Variants in FMN1 observed in about 807,000 individuals in gnomAD.
The protein encoded by FMN1 is formin-1.
FMN1 carries 110 observed loss-of-function variants against 132.4 expected under a neutral mutation model. The observed-to-expected ratio is 0.83, with a 90% CI of 0.71 to 0.97. The LOEUF (loss-of-function observed/expected upper bound fraction) is 0.97. Among genes scored for constraint, FMN1 ranks in the 50% least tolerant of loss-of-function variants. The pLI is 0.00. For synonymous variants in FMN1, 722 were observed against 651.7 expected, an observed-to-expected ratio of 1.11 and a Z score of -1.64; for missense variants, 1,792 against 1,705.3, an observed-to-expected ratio of 1.05 and a Z score of -0.90.
At chr15:33,053,912 T>C (rs12899651) in intron 6 of FMN1, among the ~76,000 whole-genome samples, 3,745 of 152,288 alleles carry the variant, frequency 0.025, 65 homozygotes, top group African/African-American at 0.029. Context: ...TTTTCTTTTC[T>C]TTCTTTCGGA....
chr15:33,110,261 T>C (rs1441361075), intron 4 of FMN1, among the ~76,000 whole-genome samples: 4 of 152,080 alleles, frequency 2.6e-5, no homozygotes, highest in Non-Finnish European at 4.4e-5. Flanking sequence ...AATACATAGA[T>C]GGTCTATTCT....
chr15:33,013,509 G>C (rs2034857040), intron 6 of FMN1, among the ~76,000 whole-genome samples: 1 of 152,114 alleles, frequency 6.6e-6, no homozygotes, highest in Non-Finnish European at 1.5e-5. Flanking sequence ...ATTGAGCAAG[G>C]AGATGTTATA....
chr15:33,140,193 AACACACACACACACACAC>A (rs61485667), intron 4 of FMN1, among the ~76,000 whole-genome samples: 15 of 142,966 alleles, frequency 1.0e-4, no homozygotes, highest in Admixed American at 7.7e-4. Context: ...CCTATGGTTA[AACACACACACACACACAC>A]ACACACACAC....
intron 4 of FMN1, among the ~76,000 whole-genome samples, chr15:33,152,209 T>C (rs1964465741): frequency 6.6e-6 from 1 of 152,226 alleles, no homozygotes; most frequent in Non-Finnish European, 1.5e-5. Context: ...ATGTAATGAA[T>C]ACCAGAGCAG....
At position 32,980,052 on chromosome 15, in the gene FMN1, GCAAA is replaced by G. The variant is rs548243073; in HGVS notation, c.2224-10579_2224-10576del. On this transcript the variant is annotated intron_variant, in intron 7 of 20. Transcript: ENST00000616417. ...TTTACGTTATAGGCAAATCGACAGG[GCAAA>G]CAAACAAAGAGGGTTTGCTTGTCTT... Among the ~76,000 whole-genome samples the G allele has an allele frequency of 6.4e-3, 968 of 151,598 alleles. 8 individuals are homozygous for G. The highest frequency in any genetic ancestry group is 0.022 in the African/African-American group (911 of 41,044).
At chr15:33,000,920 T>C (rs114517765) in intron 7 of FMN1, among the ~76,000 whole-genome samples, 1,677 of 152,316 alleles carry the variant, frequency 0.011, 26 homozygotes, top group African/African-American at 0.039. Flanking sequence ...AAAGCTAGTT[T>C]AGACCACCCT....
At chr15:32,783,744 CAAAAAAAAAAAAAAAAAAAAAAAAAAAA>C (rs533699379) in intron 19 of FMN1, among the ~76,000 whole-genome samples, 1 of 64,202 alleles carries the variant, frequency 1.6e-5, no homozygotes, top group Non-Finnish European at 3.0e-5. Context: ...GACTCTGTTT[CAAAAAAAAAAAAAAAAAAAAAAAAAAAA>C]AAAAAAAAAA....
chr15:32,963,797 T>C (rs1218929162), intron 9 of FMN1, among the ~76,000 whole-genome samples: 1 of 152,140 alleles, frequency 6.6e-6, no homozygotes, highest in Non-Finnish European at 1.5e-5. Context: ...TCAGAAGATA[T>C]GGCCAAAATA....
intron 9 of FMN1, among the ~76,000 whole-genome samples, chr15:32,930,800 T>A (rs2061096217): frequency 6.6e-6 from 1 of 152,160 alleles, no homozygotes; most frequent in South Asian, 2.1e-4. Flanking sequence ...TTTCCCTATT[T>A]TTTAAAAAAG....
At chr15:33,114,758 C>T (rs1429631437) in intron 4 of FMN1, among the ~76,000 whole-genome samples, 1 of 152,182 alleles carries the variant, frequency 6.6e-6, no homozygotes, top group African/African-American at 2.4e-5. Flanking sequence ...GACCCAAATG[C>T]CCCAAAACAA....
At chr15:32,916,349 C>T (rs2140300508) in intron 10 of FMN1, among the ~76,000 whole-genome samples, 1 of 152,284 alleles carries the variant, frequency 6.6e-6, no homozygotes, top group African/African-American at 2.4e-5. Context: ...CCCATATAAA[C>T]AAAGAATGCA....
intron 16 of FMN1, among the ~76,000 whole-genome samples, chr15:32,875,943 T>C (rs1324016338): frequency 6.6e-6 from 1 of 152,170 alleles, no homozygotes; most frequent in African/African-American, 2.4e-5. Context: ...GCCATGCTGC[T>C]TCCTATCTCG....
chr15:33,048,349 T>C (rs1206538059), intron 6 of FMN1, among the ~76,000 whole-genome samples: 1 of 151,976 alleles, frequency 6.6e-6, no homozygotes, highest in Non-Finnish European at 1.5e-5. Context: ...AAGAATCTTG[T>C]ATGGTAAAAT....
chr15:32,901,525 T>C (rs768436433), intron 13 of FMN1, among the ~76,000 whole-genome samples: 3 of 152,190 alleles, frequency 2.0e-5, no homozygotes, highest in South Asian at 2.1e-4. Flanking sequence ...TCTTATTAGG[T>C]TGACACATTT....
At position 32,769,194 on chromosome 15, in the gene FMN1, C is replaced by T. The variant is rs1328973029; in HGVS notation, c.*5116G>A. The T allele has an allele frequency of 2.6e-5, 4 of 152,206 alleles. No homozygotes were observed. Among genetic ancestry groups the T allele is most frequent in the Non-Finnish European group, 2.9e-5 (2 of 68,036 alleles). The allele number at this position is 152,206 out of a possible 1,614,324, so 9.4% of individuals were successfully genotyped here. Reference sequence around the variant, plus strand: ...TATCTTCATGTTTCCAAGTTGTTAACTACACGTTTCCCAAATCCTAACTTT... The same window carrying T: ...TATCTTCATGTTTCCAAGTTGTTAATTACACGTTTCCCAAATCCTAACTTT... On this transcript the variant is annotated 3_prime_UTR_variant, in exon 21 of 21. Transcript: ENST00000616417.
chr15:32,971,580 T>G (rs72719354), intron 7 of FMN1, among the ~76,000 whole-genome samples: 8,384 of 152,302 alleles, frequency 0.055, 295 homozygotes, highest in Non-Finnish European at 0.08. Flanking sequence ...ATTACCCACA[T>G]TTTAATTTCA....
At chr15:33,037,604 G>A (rs1297645891) in intron 6 of FMN1, among the ~76,000 whole-genome samples, 1 of 152,142 alleles carries the variant, frequency 6.6e-6, no homozygotes, top group Non-Finnish European at 1.5e-5. Flanking sequence ...ATGACCTGGG[G>A]AAAGATAAAC....
In FMN1 at chr15:33,072,679, T is replaced by C. The variant is rs183990448; in HGVS notation, c.2044-7605A>G. ...AGCTCACGCCTGTAATCCCAGCACT[T>C]TGGGAAGCCAAGGCAGGTGGATTAC... On this transcript the variant is annotated intron_variant, in intron 5 of 20. Coordinates refer to ENST00000616417, the MANE Select transcript of FMN1 (RefSeq NM_001277313.2). Among the ~76,000 whole-genome samples the C allele has an allele frequency of 3.7e-3, 570 of 152,196 alleles. 5 individuals are homozygous for C. Among genetic ancestry groups the C allele is most frequent in the African/African-American group, 0.013 (533 of 41,550 alleles).
At chr15:32,975,647 GAAGGT>G (rs2032144518) in intron 7 of FMN1, among the ~76,000 whole-genome samples, 1 of 151,850 alleles carries the variant, frequency 6.6e-6, no homozygotes, top group Admixed American at 6.6e-5. Context: ...TTTTTTTAAT[GAAGGT>G]ATTTCTAAAA....
Sources: gnomAD v4.1 joint callset for allele counts (sites outside exome capture counted in the v4.1 genomes callset) on GRCh38, gnomAD v4.1.1 for gene constraint, MANE v1.5 for transcripts, NCBI Gene and HGNC (gene_info 2026-07-23, HGNC 2026-07-21) for gene names.